TUBA1C: variants seen among roughly 807,000 people sequenced by gnomAD.
TUBA1C encodes the protein tubulin alpha-1C chain.
TUBA1C carries 16 observed loss-of-function variants against 34.9 expected under a neutral mutation model. That is an observed-to-expected ratio of 0.46 (90% CI 0.31 to 0.70). The LOEUF (loss-of-function observed/expected upper bound fraction) is 0.70. TUBA1C is among the 30% of genes least tolerant of loss of function. The probability of loss-of-function intolerance (pLI) is 0.05; values close to 1 mark genes in which losing one functional copy is unlikely to be tolerated. For missense variants in TUBA1C, 329 were observed against 587.3 expected, an observed-to-expected ratio of 0.56 and a Z score of 4.55; for synonymous variants, 177 against 215.9, an observed-to-expected ratio of 0.82 and a Z score of 1.58.
intron 1 of TUBA1C, among the ~76,000 whole-genome samples, chr12:49,238,521 G>A (rs1454222637): frequency 2.0e-5 from 3 of 152,172 alleles, no homozygotes; most frequent in Non-Finnish European, 4.4e-5. Flanking sequence ...CGAGCCCCAG[G>A]TGGTTTTTAC....
At chr12:49,270,402 T>G (rs1213451168) in intron 3 of TUBA1C, among the ~76,000 whole-genome samples, 1 of 151,860 alleles carries the variant, frequency 6.6e-6, no homozygotes, top group African/African-American at 2.4e-5. Flanking sequence ...GAAAGTGGAG[T>G]CGGGAGCTTC....
At chr12:49,250,497 C>T (rs1005124892) in intron 1 of TUBA1C, among the ~76,000 whole-genome samples, 3 of 143,668 alleles carry the variant, frequency 2.1e-5, no homozygotes, top group African/African-American at 7.9e-5. Flanking sequence ...GCACTCTAGC[C>T]TGGGTGACAG....
chr12:49,271,541 G>GT (rs1320359955), intron 3 of TUBA1C, among the ~76,000 whole-genome samples: 1 of 152,172 alleles, frequency 6.6e-6, no homozygotes, highest in African/African-American at 2.4e-5. Context: ...TCAACCTAAG[G>GT]TGATTACTAT....
At chr12:49,263,443 T>C (rs1201846216), upstream of TUBA1C, among the ~76,000 whole-genome samples, 1 of 152,162 alleles carries the variant, frequency 6.6e-6, no homozygotes, top group Non-Finnish European at 1.5e-5. Flanking sequence ...GTGCTAAATA[T>C]ATCTGGGGAA....
rs1942963164 is a variant in TUBA1C, at chr12:49,269,697, C to A, written c.226+10C>A. On this transcript the variant is annotated intron_variant, in intron 2 of 3. Transcript: ENST00000301072. ...GAACCCACAGTCATTGGTGAGTTGA[C>A]CTCAGTAACCCAAGTGAGATCCCAG... 6.2e-7 allele frequency: 1 copy of A among 1,613,558 alleles called. No individual in the cohort carries two copies. Among genetic ancestry groups the A allele is most frequent in the South Asian group, 1.1e-5 (1 of 91,030 alleles).
At chr12:49,266,381 G>C (rs1942912628) in intron 1 of TUBA1C, among the ~76,000 whole-genome samples, 1 of 151,896 alleles carries the variant, frequency 6.6e-6, no homozygotes, top group Non-Finnish European at 1.5e-5. Context: ...AGTGAGCCGA[G>C]ATCGCGCCAC....
At chr12:49,231,133 C>A (rs1942492360) in intron 1 of TUBA1C, among the ~76,000 whole-genome samples, 1 of 152,146 alleles carries the variant, frequency 6.6e-6, no homozygotes, top group Non-Finnish European at 1.5e-5. Flanking sequence ...CAGAGCACAG[C>A]TGTTTGTTGT....
intron 1 of TUBA1C, among the ~76,000 whole-genome samples, chr12:49,253,307 A>G (rs1942749738): frequency 6.6e-6 from 1 of 152,172 alleles, no homozygotes; most frequent in South Asian, 2.1e-4. Flanking sequence ...AAACAAGAAA[A>G]TAAAGCATGA....
chr12:49,258,946 A>G (rs1434776121), intron 1 of TUBA1C, among the ~76,000 whole-genome samples: 2 of 151,336 alleles, frequency 1.3e-5, no homozygotes, highest in Non-Finnish European at 2.9e-5. Flanking sequence ...TTTAGTAGAG[A>G]CGGGGTTTCT....
intron 1 of TUBA1C, among the ~76,000 whole-genome samples, chr12:49,257,309 T>A (rs1231697648): frequency 6.6e-6 from 1 of 152,018 alleles, no homozygotes; most frequent in Non-Finnish European, 1.5e-5. Flanking sequence ...CTCCATTTCC[T>A]CTCCTGTAAA....
chr12:49,268,357 C>A (rs1942943632), intron 1 of TUBA1C, among the ~76,000 whole-genome samples: 2 of 152,060 alleles, frequency 1.3e-5, no homozygotes, highest in African/African-American at 4.8e-5. Flanking sequence ...CCTCGGTCTC[C>A]CAAAGTCCTG....
chr12:49,246,512 T>A (rs2136998258), intron 1 of TUBA1C, among the ~76,000 whole-genome samples: 1 of 151,736 alleles, frequency 6.6e-6, no homozygotes, highest in African/African-American at 2.4e-5. Flanking sequence ...ACCCCGTCTC[T>A]ACTAAAAATA....
At chr12:49,253,560 A>G (rs1242185790) in intron 1 of TUBA1C, among the ~76,000 whole-genome samples, 1 of 151,984 alleles carries the variant, frequency 6.6e-6, no homozygotes, top group African/African-American at 2.4e-5. Flanking sequence ...TTTTTGAGAG[A>G]GGGTTTCACT....
In TUBA1C at chr12:49,265,099, C is replaced by A; in HGVS notation, c.-83C>A. 1 of 1,513,554 alleles carries A rather than the reference C, an allele frequency of 6.6e-7. No homozygotes were observed. The highest frequency in any genetic ancestry group is 1.8e-5 in the Admixed American group (1 of 54,238). 93.8% of individuals were successfully genotyped at this position (1,513,554 alleles called of 1,614,324 possible). A position where few individuals can be genotyped will look rare whatever the true frequency, so the allele number is the denominator to read the frequency against. ...ACCCTTTCACTACTTCTCCCCCGGA[C>A]TCCTTGGTAGTCTGTTAGTGGGAGA... is the stretch of plus-strand genomic sequence containing the variant. On this transcript the variant is annotated 5_prime_UTR_variant, in exon 1 of 4. Transcript: ENST00000301072.
rs565188536 is a variant in TUBA1C at position 49,244,154 on chromosome 12, A to G, written c.213+15988A>G. On this transcript the variant is annotated intron_variant, in intron 1 of 3. Coordinates refer to the TUBA1C transcript ENST00000541364. ...GACAGAGTGAGACTCTGTCTCAAAA[A>G]AAAAAAAAAAAGAAAAAAAAATCTG... 2.7e-3 allele frequency among the ~76,000 whole-genome samples: 404 copies of G among 151,692 alleles called. 4 individuals carry two copies. The Middle Eastern group carries it at 0.031, about 11-fold the overall frequency.
chr12:49,237,901 G>A (rs1444980976), intron 1 of TUBA1C, among the ~76,000 whole-genome samples: 1 of 152,006 alleles, frequency 6.6e-6, no homozygotes, highest in African/African-American at 2.4e-5. Flanking sequence ...TTGAGGTCAC[G>A]AGTTTGAGAC....
chr12:49,247,722 C>T (rs561020370), intron 1 of TUBA1C, among the ~76,000 whole-genome samples: 56 of 151,966 alleles, frequency 3.7e-4, no homozygotes, highest in African/African-American at 1.2e-3. Context: ...CCAAGGCAGG[C>T]GGATCACGAG....
upstream of TUBA1C, among the ~76,000 whole-genome samples, chr12:49,260,178 G>C (rs1942828168): frequency 6.6e-6 from 1 of 152,122 alleles, no homozygotes. Context: ...AATTTTATCT[G>C]TGTATCCTAA....
intron 1 of TUBA1C, among the ~76,000 whole-genome samples, chr12:49,231,350 T>G (rs1306161379): frequency 6.6e-6 from 1 of 151,980 alleles, no homozygotes; most frequent in African/African-American, 2.4e-5. Flanking sequence ...TTTAAAAAAT[T>G]TTTGTAGATA....
Sources: gnomAD v4.1 joint callset for allele counts (sites outside exome capture counted in the v4.1 genomes callset) on GRCh38, gnomAD v4.1.1 for gene constraint, MANE v1.5 for transcripts, NCBI Gene and HGNC (gene_info 2026-07-23, HGNC 2026-07-21) for gene names.